Variants in IL17D observed in about 807,000 individuals in gnomAD.
IL17D encodes the protein interleukin-17D.
IL17D carries 10 observed loss-of-function variants against 5.7 expected under a neutral mutation model. The observed-to-expected ratio is 1.75, with a 90% confidence interval of 1.08 to 2.97. The LOEUF is 2.97. IL17D is among the 30% of genes most tolerant of loss of function. The pLI is 0.00. For missense variants in IL17D, 354 were observed against 292.7 expected (o/e 1.21, Z -1.53); for synonymous variants, 172 against 141.7 (o/e 1.21, Z -1.52).
At position 20,704,271 on chromosome 13, in the gene IL17D, C is replaced by A; in HGVS notation, c.270C>A (p.Ser90Arg). 1.7e-6 allele frequency: 2 copies of A among 1,165,662 alleles called. No homozygotes were observed. The highest frequency in any genetic ancestry group is 2.1e-6 in the Non-Finnish European group (2 of 945,796). The allele number at this position is 1,165,662 out of a possible 1,614,324, so 72.2% of individuals were successfully genotyped here. ...RRFRPPTNLR[S>R]VSPWAYRISY... ...TCCGGCCGCCCACCAACCTGCGCAGCGTGTCGCCCTGGGCCTACAGGTGAG... is the reference window on the plus strand; with the variant it reads ...TCCGGCCGCCCACCAACCTGCGCAGAGTGTCGCCCTGGGCCTACAGGTGAG... The change falls in exon 1 of 2, where the codon AGC becomes AGA. Residue 90 changes from serine to arginine, a missense_variant. Physicochemically the swap from Ser to Arg is moderately radical, Grantham distance 110. Coordinates refer to ENST00000682841, the MANE Select transcript of IL17D (RefSeq NM_001385224.1).
rs371128886 is a variant in IL17D, at chr13:20,721,625, T to G, written c.291-11T>G. ...CCCAGGCGTGACCTCACCCGTGCTC[T>G]CTCCCTGCAGAATCTCCTACGACCC... On this transcript the variant is annotated splice_polypyrimidine_tract_variant and intron_variant, in intron 1 of 1. Coordinates refer to ENST00000682841, the MANE Select transcript of IL17D (RefSeq NM_001385224.1). The G allele has an allele frequency of 1.3e-6, 2 of 1,580,080 alleles. No homozygotes were observed. The highest frequency in any genetic ancestry group is 2.7e-5 in the African/African-American group (2 of 74,326).
chr13:20,709,257 T>G (rs1266036072), intron 1 of IL17D, among the ~76,000 whole-genome samples: 1 of 152,060 alleles, frequency 6.6e-6, no homozygotes, highest in Non-Finnish European at 1.5e-5. Flanking sequence ...GAGGGCGATT[T>G]GGTGTTAAAT....
At chr13:20,717,468 G>C (rs373011765) in intron 1 of IL17D, 8 of 152,282 alleles carry the variant, frequency 5.3e-5, no homozygotes, top group African/African-American at 1.7e-4. Context: ...TCCCCAGACT[G>C]CAGGCAGGAG....
rs930077605 is a variant in IL17D at position 20,703,893 on chromosome 13, G to A, written c.-109G>A. On this transcript the variant is annotated 5_prime_UTR_variant, in exon 1 of 2. Transcript: ENST00000682841. ...CCGGCCTCTGGCTCCGCGGGGCGAG[G>A]GGAGGCGCCCGCCGGCTCCGGGCGC... 7 of 485,396 alleles carry A rather than the reference G, an allele frequency of 1.4e-5. No individual in the cohort carries two copies. Among genetic ancestry groups the A allele is most frequent in the African/African-American group, 6.4e-5 (3 of 46,944 alleles). The allele number at this position is 485,396 out of a possible 1,614,324, so 30.1% of individuals were successfully genotyped here.
intron 1 of IL17D, among the ~76,000 whole-genome samples, chr13:20,708,508 G>A (rs1397208600): frequency 6.6e-6 from 1 of 152,164 alleles, no homozygotes; most frequent in Non-Finnish European, 1.5e-5. Flanking sequence ...ATCTTGGAGT[G>A]GAGGAGGCCC....
At chr13:20,709,140 C>CTTTTT (rs61612538) in intron 1 of IL17D, among the ~76,000 whole-genome samples, 2 of 137,254 alleles carry the variant, frequency 1.5e-5, no homozygotes, top group African/African-American at 2.7e-5. Flanking sequence ...CTAAGAAGCC[C>CTTTTT]TTTTTTTTTT....
chr13:20,714,279 C>A (rs1174624137), intron 1 of IL17D: 2 of 152,206 alleles, frequency 1.3e-5, no homozygotes, highest in Admixed American at 1.3e-4. Flanking sequence ...CCCAGATGAA[C>A]GAATTTCCCC....
At chr13:20,719,104 C>T (rs577295521) in intron 1 of IL17D, among the ~76,000 whole-genome samples, 22 of 150,152 alleles carry the variant, frequency 1.5e-4, no homozygotes, top group Admixed American at 1.1e-3. Context: ...CACACCTGCC[C>T]ATGCTCGCAC....
rs200122185 is a variant in IL17D, at chr13:20,721,826, G to C, written c.481G>C (p.Val161Leu). ...CCGTTCCGTCTACACCGAGGCCTACGTCACCATCCCCGTGGGCTGCACCTG... is the reference window on the plus strand; with the variant it reads ...CCGTTCCGTCTACACCGAGGCCTACCTCACCATCCCCGTGGGCTGCACCTG... ...GGRSVYTEAY[V>L]TIPVGCTCVP... Residue 161 changes from valine (V) to leucine (L), a missense_variant, in exon 2 of 2, where the codon GTC becomes CTC. Transcript: ENST00000682841. The C allele has an allele frequency of 4.0e-4, 650 of 1,610,572 alleles. 5 individuals are homozygous for C. In the East Asian group the frequency reaches 0.014, roughly 34 times the overall value.
Position 20,716,883 on chromosome 13 carries a change from T to A in IL17D, c.291-4753T>A, listed in dbSNP as rs192175514. ...TGAAATCATTTCATGTTTTGCAAGG[T>A]GGGAGGGTGAGCCACATCAAGGCGC... is the stretch of plus-strand genomic sequence containing the variant. On this transcript the variant is annotated intron_variant, in intron 1 of 1. Transcript: ENST00000682841. This position sits in a 1 kb window ranked among gnomAD's most constrained non-coding sequence, Gnocchi z 4.2. Among the ~76,000 whole-genome samples, 21 of 152,294 alleles carry A rather than the reference T, an allele frequency of 1.4e-4. No homozygotes were observed. The highest frequency in any genetic ancestry group is 1.4e-3 in the East Asian group (7 of 5,182).
intron 1 of IL17D, among the ~76,000 whole-genome samples, chr13:20,711,334 G>A (rs567844525): frequency 7.2e-6 from 1 of 139,182 alleles, no homozygotes; most frequent in Admixed American, 7.9e-5. Flanking sequence ...CCAAGGGTCT[G>A]GTGCTGGCAT....
chr13:20,715,716 T>A (rs2058673927), intron 1 of IL17D, among the ~76,000 whole-genome samples: 2 of 152,210 alleles, frequency 1.3e-5, no homozygotes, highest in South Asian at 4.1e-4. Context: ...AGTTTTATTT[T>A]GAAATATAGA....
At chr13:20,703,181 T>C (rs1030339602), upstream of IL17D, 12 of 696,288 alleles carry the variant, frequency 1.7e-5, no homozygotes, top group African/African-American at 2.1e-4. Context: ...CCCCAGGCCC[T>C]GGGCGCCCCG....
intron 1 of IL17D, among the ~76,000 whole-genome samples, chr13:20,720,149 A>C (rs2058719639): frequency 6.6e-6 from 1 of 152,082 alleles, no homozygotes. Flanking sequence ...GGATGCACCC[A>C]GTCTCCACCA....
chr13:20,719,256 T>C (rs1022374503), intron 1 of IL17D, among the ~76,000 whole-genome samples: 3 of 133,422 alleles, frequency 2.2e-5, no homozygotes, highest in African/African-American at 8.6e-5. Context: ...TGCCCAAACA[T>C]GCCCACACAC....
chr13:20,703,458 C>T, upstream of IL17D: 1 of 977,568 alleles, frequency 1.0e-6, no homozygotes, highest in Non-Finnish European at 1.2e-6. Flanking sequence ...CGAGGAAAGA[C>T]CACAGGGGGC....
intron 1 of IL17D, among the ~76,000 whole-genome samples, chr13:20,710,301 G>A (rs1237001114): frequency 1.3e-5 from 2 of 151,838 alleles, no homozygotes; most frequent in African/African-American, 2.4e-5. Flanking sequence ...TAAGATATAC[G>A]TCATTCATTT....
intron 1 of IL17D, among the ~76,000 whole-genome samples, chr13:20,715,645 C>T (rs910515377): frequency 6.6e-6 from 1 of 152,018 alleles, no homozygotes. Context: ...GGAGAGCTTC[C>T]GACTCCTTGG....
At chr13:20,718,108 C>T (rs1003261717) in intron 1 of IL17D, among the ~76,000 whole-genome samples, 12 of 152,204 alleles carry the variant, frequency 7.9e-5, no homozygotes, top group African/African-American at 2.9e-4. Context: ...ATGCCTGACC[C>T]GCCCGCCCGC....
Sources: gnomAD v4.1 joint callset for allele counts (sites outside exome capture counted in the v4.1 genomes callset) on GRCh38, gnomAD v4.1.1 for gene constraint, Gnocchi (gnomAD v3.1) non-coding constraint, MANE v1.5 for transcripts, NCBI Gene and HGNC (gene_info 2026-07-23, HGNC 2026-07-21) for gene names.